The following CMSS1 variants were observed in gnomAD, a reference collection of about 807,000 sequenced individuals.
CMSS1 encodes the protein cms1 ribosomal small subunit homolog, also known as protein CMSS1.
Under a neutral mutation model 43.5 loss-of-function variants are expected in CMSS1, and 33 were observed. That is an observed-to-expected ratio of 0.76 (90% CI 0.57 to 1.01). The LOEUF (loss-of-function observed/expected upper bound fraction) is 1.01, where lower values mean the gene tolerates loss of function less well. Among genes scored for constraint, CMSS1 ranks in the 50% least tolerant of loss-of-function variants. The pLI, the probability that CMSS1 is intolerant of heterozygous loss-of-function variation, is 0.00. For synonymous variants in CMSS1, 115 were observed against 117.2 expected (o/e 0.98, Z 0.12); for missense variants, 313 against 326.4 (o/e 0.96, Z 0.32).
chr3:99,921,046 G>T (rs187262235), intron 1 of CMSS1, among the ~76,000 whole-genome samples: 1 of 152,152 alleles, frequency 6.6e-6, no homozygotes, highest in Non-Finnish European at 1.5e-5. Flanking sequence ...TGCTGGGAGG[G>T]TTGCTAGTTT....
chr3:99,997,161 G>C (rs1709708707), intron 1 of CMSS1, among the ~76,000 whole-genome samples: 1 of 152,068 alleles, frequency 6.6e-6, no homozygotes, highest in Non-Finnish European at 1.5e-5. Flanking sequence ...CCATACAAAG[G>C]ATGGACAAAA....
intron 1 of CMSS1, among the ~76,000 whole-genome samples, chr3:99,951,946 A>T (rs1708188446): frequency 6.6e-6 from 1 of 152,224 alleles, no homozygotes; most frequent in Non-Finnish European, 1.5e-5. Flanking sequence ...CTGAAGTAAT[A>T]GTGAGAGAAC....
At chr3:99,904,810 C>T (rs1221386975) in intron 1 of CMSS1, among the ~76,000 whole-genome samples, 1 of 152,150 alleles carries the variant, frequency 6.6e-6, no homozygotes, top group African/African-American at 2.4e-5. Flanking sequence ...GGCTTTTCCC[C>T]CTAATTTCAC....
intron 1 of CMSS1, among the ~76,000 whole-genome samples, chr3:99,954,561 C>A (rs1322975055): frequency 6.6e-6 from 1 of 152,184 alleles, no homozygotes; most frequent in Non-Finnish European, 1.5e-5. Context: ...CACAGTGGCT[C>A]ACACCTGTAA....
chr3:99,850,748 T>C (rs1943646435), intron 1 of CMSS1: 4 of 1,614,098 alleles, frequency 2.5e-6, no homozygotes, highest in South Asian at 1.1e-5. Context: ...AGCTTCGCCA[T>C]AATTGTGTCT....
intron 1 of CMSS1, among the ~76,000 whole-genome samples, chr3:99,899,653 C>G (rs1358422195): frequency 6.6e-6 from 1 of 152,104 alleles, no homozygotes; most frequent in Non-Finnish European, 1.5e-5. Flanking sequence ...TACACTGTTC[C>G]TGAAATTGTT....
rs1182934021 is a variant in CMSS1 at position 99,846,384 on chromosome 3, ACT to A, written c.64+28345_64+28346del. 2.0e-5 allele frequency among the ~76,000 whole-genome samples: 3 copies of A among 152,172 alleles called. No homozygotes were observed. In the South Asian group the frequency reaches 6.2e-4, roughly 32 times the overall value. ...GCCTTCCAAAATATTACATGTACCC[ACT>A]CTCAGTAACTAGAAAAAGATCTCAT... On this transcript the variant is annotated intron_variant, in intron 1 of 9. Coordinates refer to ENST00000421999, the MANE Select transcript of CMSS1 (RefSeq NM_032359.4).
rs573133363 is a variant in CMSS1, at chr3:100,124,206, T to C, written c.65-22767T>C. Among the ~76,000 whole-genome samples the C allele has an allele frequency of 2.6e-5, 4 of 152,302 alleles. No homozygotes were observed. In the East Asian group the frequency reaches 7.7e-4, roughly 29 times the overall value. On this transcript the variant is annotated intron_variant, in intron 1 of 9. Transcript: ENST00000421999. ...ACATTCCTATTTTTTTTTTCCTGTT[T>C]CAGTTACTCAATTTTGGCTAAAAGT...
At chr3:100,102,035 C>G (rs1227189314) in intron 1 of CMSS1, among the ~76,000 whole-genome samples, 2 of 152,064 alleles carry the variant, frequency 1.3e-5, no homozygotes, top group Admixed American at 6.6e-5. Flanking sequence ...GGACATTTGG[C>G]TTGGTTCCAA....
intron 1 of CMSS1, among the ~76,000 whole-genome samples, chr3:100,058,691 A>G (rs528886400): frequency 6.6e-6 from 1 of 152,206 alleles, no homozygotes; most frequent in African/African-American, 2.4e-5. Flanking sequence ...ACCCAGAAGC[A>G]TCAACAGACA....
intron 1 of CMSS1, among the ~76,000 whole-genome samples, chr3:99,885,193 C>T (rs1705853792): frequency 1.3e-5 from 2 of 152,182 alleles, no homozygotes; most frequent in Non-Finnish European, 1.5e-5. Context: ...CAGAAGCAGC[C>T]TTCAGTTACC....
At chr3:100,141,503 C>G (rs779756192) in intron 1 of CMSS1, 1 of 454,132 alleles carries the variant, frequency 2.2e-6, no homozygotes, top group South Asian at 1.6e-5. Flanking sequence ...TTTTAAAGAA[C>G]AATTGACTGT....
chr3:99,938,060 TGTGTGTGTGTGTGTGC>T (rs899681380), intron 1 of CMSS1, among the ~76,000 whole-genome samples: 1 of 90,188 alleles, frequency 1.1e-5, no homozygotes, highest in African/African-American at 4.7e-5. Flanking sequence ...AGTGTGTGTG[TGTGTGTGTGTGTGTGC>T]GCGCGCGCGC....
At chr3:99,986,157 A>T (rs939594035) in intron 1 of CMSS1, among the ~76,000 whole-genome samples, 5 of 152,254 alleles carry the variant, frequency 3.3e-5, no homozygotes, top group Admixed American at 3.3e-4. Flanking sequence ...TTATTTTAAT[A>T]AGAACCAGAT....
intron 1 of CMSS1, among the ~76,000 whole-genome samples, chr3:100,062,680 C>A (rs140280784): frequency 6.6e-6 from 1 of 152,154 alleles, no homozygotes; most frequent in South Asian, 2.1e-4. Context: ...ATCTCAAAAC[C>A]CTAAAAGAAA....
chr3:99,968,308 C>T (rs528461925), intron 1 of CMSS1, among the ~76,000 whole-genome samples: 5 of 151,978 alleles, frequency 3.3e-5, no homozygotes, highest in African/African-American at 9.7e-5. Flanking sequence ...CTTATTGTAG[C>T]CTAAATTGTA....
intron 1 of CMSS1, chr3:100,115,060 C>T: frequency 8.7e-7 from 1 of 1,152,784 alleles, no homozygotes; most frequent in Non-Finnish European, 1.3e-6. Flanking sequence ...AGAAAACCTT[C>T]ATACTTAGGA....
chr3:99,818,351 G>A (rs1942363462), intron 1 of CMSS1, among the ~76,000 whole-genome samples: 1 of 152,228 alleles, frequency 6.6e-6, no homozygotes, highest in Admixed American at 6.5e-5. Context: ...TGATGGTTAA[G>A]GGTGACCCAT....
chr3:99,982,529 T>C (rs1309067348), intron 1 of CMSS1, among the ~76,000 whole-genome samples: 1 of 151,978 alleles, frequency 6.6e-6, no homozygotes, highest in Non-Finnish European at 1.5e-5. Context: ...TTTTATAGAA[T>C]AAGAGTCTCT....
Sources: allele counts gnomAD v4.1 joint callset (sites outside exome capture counted in the v4.1 genomes callset), GRCh38; gene constraint gnomAD v4.1.1; transcripts MANE v1.5; gene names NCBI Gene and HGNC (gene_info 2026-07-23, HGNC 2026-07-21).